The following FBXL2 variants were observed in gnomAD, a reference collection of about 807,000 sequenced individuals.
FBXL2 encodes the protein F-box/LRR-repeat protein 2.
In FBXL2, 38 loss-of-function variants were observed where a neutral mutation model predicts 69.2. The ratio of observed to expected loss-of-function variants is 0.55; its 90% CI spans 0.42 to 0.72. The LOEUF (loss-of-function observed/expected upper bound fraction) is 0.72. Among genes scored for constraint, FBXL2 ranks in the 30% least tolerant of loss-of-function variants. The pLI, the probability that FBXL2 is intolerant of heterozygous loss-of-function variation, is 0.00. For synonymous variants in FBXL2, 192 were observed against 201.3 expected, an observed-to-expected ratio of 0.95 and a Z score of 0.39; for missense variants, 354 against 520.3, an observed-to-expected ratio of 0.68 and a Z score of 3.11.
intron 12 of FBXL2, 130 bp downstream of exon 12, chr3:33,378,277 G>A (rs2042776995): frequency 9.8e-6 from 9 of 918,208 alleles, no homozygotes; most frequent in Middle Eastern, 5.6e-4. Context: ...GCAGGGCTTG[G>A]AAACCTGTGA....
chr3:33,346,545 C>T (rs1325149848), intron 2 of FBXL2, among the ~76,000 whole-genome samples: 3 of 151,758 alleles, frequency 2.0e-5, no homozygotes, highest in Admixed American at 6.6e-5. Context: ...GGTGACATAG[C>T]GAGACCCCGT....
intron 2 of FBXL2, among the ~76,000 whole-genome samples, chr3:33,310,607 C>G (rs1299928207): frequency 6.6e-6 from 1 of 151,894 alleles, no homozygotes; most frequent in African/African-American, 2.4e-5. Context: ...TTTCTTTTAT[C>G]TTTAAGAATT....
At chr3:33,407,745 T>C (rs1297920911), downstream of FBXL2, among the ~76,000 whole-genome samples, 1 of 152,218 alleles carries the variant, frequency 6.6e-6, no homozygotes, top group East Asian at 1.9e-4. Flanking sequence ...GCAATTGCGA[T>C]ATGTGTAAGA....
At chr3:33,353,716 C>A (rs909707091) in intron 2 of FBXL2, among the ~76,000 whole-genome samples, 25 of 152,172 alleles carry the variant, frequency 1.6e-4, no homozygotes, top group African/African-American at 5.5e-4. Flanking sequence ...TAGACCCCAT[C>A]TCTTCAAAAA....
chr3:33,374,068 C>T, intron 9 of FBXL2, 147 bp downstream of exon 9: 3 of 667,654 alleles, frequency 4.5e-6, no homozygotes, highest in Non-Finnish European at 5.2e-6. Flanking sequence ...ATATAACCTA[C>T]CAATTTGTCA....
chr3:33,287,597 T>C (rs917167987), intron 1 of FBXL2, among the ~76,000 whole-genome samples: 1 of 152,142 alleles, frequency 6.6e-6, no homozygotes, highest in African/African-American at 2.4e-5. Context: ...CACTTCATCC[T>C]CCCAAAGTGC....
chr3:33,367,072 G>C (rs2042000412), intron 5 of FBXL2, among the ~76,000 whole-genome samples: 1 of 152,046 alleles, frequency 6.6e-6, no homozygotes, highest in South Asian at 2.1e-4. Context: ...TTTGGGGGAA[G>C]GTTTTTAATT....
At position 33,347,176 on chromosome 3, in the gene FBXL2, A is replaced by C. The variant is rs532693288; in HGVS notation, c.66-11791A>C. 3.9e-5 allele frequency among the ~76,000 whole-genome samples: 6 copies of C among 152,134 alleles called. 1 individual carries two copies. In the South Asian group the frequency reaches 6.2e-4, roughly 16 times the overall value. On this transcript the variant is annotated intron_variant, in intron 2 of 14. Transcript: ENST00000484457. Reference sequence around the variant, plus strand: ...TTCTACTCTCTACCCCCATGAGTTCAATTGTTTTAATTTTCAGCCTCCACA... The same window carrying C: ...TTCTACTCTCTACCCCCATGAGTTCCATTGTTTTAATTTTCAGCCTCCACA...
Position 33,373,082 on chromosome 3 carries a change from C to A in FBXL2, c.291-10C>A. The A allele has an allele frequency of 6.2e-7, 1 of 1,613,168 alleles. No individual in the cohort carries two copies. Among genetic ancestry groups the A allele is most frequent in the Non-Finnish European group, 8.5e-7 (1 of 1,179,082 alleles). ...CTTGCAGGGAGCTTTAAAATGTTTT[C>A]TCATTTTAGGACCTTTGCACAGAAC... On this transcript the variant is annotated splice_polypyrimidine_tract_variant and intron_variant, in intron 5 of 14. Coordinates refer to ENST00000484457, the MANE Select transcript of FBXL2 (RefSeq NM_012157.5).
At chr3:33,347,411 A>G (rs934098876) in intron 2 of FBXL2, among the ~76,000 whole-genome samples, 4 of 152,224 alleles carry the variant, frequency 2.6e-5, no homozygotes, top group African/African-American at 4.8e-5. Flanking sequence ...TTCTTAATCC[A>G]TTCGTCTGCT....
At chr3:33,335,073 C>T (rs1008842178) in intron 2 of FBXL2, among the ~76,000 whole-genome samples, 2 of 151,862 alleles carry the variant, frequency 1.3e-5, no homozygotes, top group African/African-American at 4.8e-5. Context: ...TGCACTCCAG[C>T]CTGGGCAACA....
the FBXL2 span, chr3:33,409,134 C>A: frequency 9.0e-7 from 1 of 1,114,332 alleles, no homozygotes. Flanking sequence ...GTCAAACTGC[C>A]ACCCAATCTT....
intron 4 of FBXL2, among the ~76,000 whole-genome samples, chr3:33,359,837 T>C (rs1335778879): frequency 1.3e-5 from 2 of 152,174 alleles, no homozygotes; most frequent in Non-Finnish European, 2.9e-5. Context: ...TAAAATAAAG[T>C]AATAATTAAG....
intron 12 of FBXL2, chr3:33,402,798 T>TA: frequency 6.4e-7 from 1 of 1,555,130 alleles, no homozygotes; most frequent in Non-Finnish European, 8.7e-7. Flanking sequence ...ACAAACTAGA[T>TA]ACCTGTCTGG....
chr3:33,297,630 A>G (rs1418596338), intron 1 of FBXL2, 34 bp from the exon 2 acceptor site: 1 of 1,357,258 alleles, frequency 7.4e-7, no homozygotes, highest in East Asian at 2.3e-5. Context: ...ATTAAAGAAC[A>G]TTTTCACAAT....
chr3:33,412,851 A>G, the FBXL2 span: 2 of 1,516,752 alleles, frequency 1.3e-6, no homozygotes, highest in African/African-American at 2.7e-5. Flanking sequence ...GCGGAAAATG[A>G]GTACTTTTAA....
chr3:33,416,740 A>T, the FBXL2 span: 2 of 1,585,144 alleles, frequency 1.3e-6, no homozygotes. Flanking sequence ...ATTGGGAATT[A>T]AAATGGACTG....
intron 1 of FBXL2, among the ~76,000 whole-genome samples, chr3:33,294,516 G>A (rs2035557925): frequency 6.6e-6 from 1 of 152,074 alleles, no homozygotes. Flanking sequence ...ATACTTAGAG[G>A]GAACTTTATA....
intron 2 of FBXL2, among the ~76,000 whole-genome samples, chr3:33,358,308 T>C (rs2041359500): frequency 6.6e-6 from 1 of 152,210 alleles, no homozygotes; most frequent in Admixed American, 6.5e-5. Flanking sequence ...GCAGCTCCTC[T>C]CCTTGACTGC....
Sources: gnomAD v4.1 joint callset for allele counts (sites outside exome capture counted in the v4.1 genomes callset) on GRCh38, gnomAD v4.1.1 for gene constraint, MANE v1.5 for transcripts, NCBI Gene and HGNC (gene_info 2026-07-23, HGNC 2026-07-21) for gene names.